Variants in DGKE observed in about 807,000 individuals in gnomAD.
DGKE encodes the protein diacylglycerol kinase epsilon.
Under a neutral mutation model 70.0 loss-of-function variants are expected in DGKE, and 53 were observed. That is an observed-to-expected ratio of 0.76 (90% CI 0.61 to 0.95). The LOEUF (loss-of-function observed/expected upper bound fraction) is 0.95, where lower values mean the gene tolerates loss of function less well. Among genes scored for constraint, DGKE ranks in the 40% least tolerant of loss-of-function variants. DGKE has a pLI of 0.00. For missense variants in DGKE, 655 were observed against 706.9 expected (o/e 0.93, Z 0.83); for synonymous variants, 291 against 257.0 (o/e 1.13, Z -1.27).
chr17:56,845,693 G>T lies in DGKE; in HGVS notation c.628G>T (p.Ala210Ser), dbSNP rs201970745. ...CACTCATGGCAATTTTTTTTAGCTA[G>T]CCTCTAAGCTTGGAAAGCAGTGGAC... ...KDKKTDYEVL[A>S]SKLGKQWTPL... is the part of the protein sequence containing the mutation. The change falls in exon 4 of 12, where the codon GCC (alanine) becomes TCC (serine). Residue 210 changes from alanine to serine, a missense_variant. Transcript: ENST00000284061. 9.4e-6 allele frequency: 15 copies of T among 1,602,054 alleles called. No homozygotes were observed. In the East Asian group the frequency reaches 3.4e-4, roughly 36 times the overall value.
rs1908382441 is a variant in DGKE at position 56,862,945 on chromosome 17, C to G, written c.*154C>G. 2.0e-6 allele frequency: 1 copy of G among 508,314 alleles called. No homozygotes were observed. Among genetic ancestry groups the G allele is most frequent in the Non-Finnish European group, 3.1e-6 (1 of 319,948 alleles). The allele number at this position is 508,314 out of a possible 1,614,324, so 31.5% of individuals were successfully genotyped here. A position where few individuals can be genotyped will look rare whatever the true frequency, so the allele number is the denominator to read the frequency against. ...ATTTTTGTAAATAGCATCCCCAAAC[C>G]AGCCAGCCTTCAGTTATTTACAAAT... On this transcript the variant is annotated 3_prime_UTR_variant, in exon 12 of 12. Coordinates refer to ENST00000284061, the MANE Select transcript of DGKE (RefSeq NM_003647.3).
chr17:56,846,855 T>G (rs1907317648), intron 4 of DGKE, among the ~76,000 whole-genome samples: 1 of 152,304 alleles, frequency 6.6e-6, no homozygotes, highest in Non-Finnish European at 1.5e-5. Context: ...TTACTTTACA[T>G]ATTAACAGTA....
intron 3 of DGKE, 50 bp from the exon 4 acceptor site, chr17:56,845,640 T>C (rs1290678628): frequency 6.4e-7 from 1 of 1,554,784 alleles, no homozygotes; most frequent in Non-Finnish European, 8.7e-7. Context: ...GAAAATGTGC[T>C]TTTCATCTTT....
chr17:56,851,691 A>G, intron 7 of DGKE, among the ~76,000 whole-genome samples: 1 of 152,214 alleles, frequency 6.6e-6, no homozygotes, highest in East Asian at 1.9e-4. Flanking sequence ...GAGAGCCCCA[A>G]AGAAACAACA....
At chr17:56,860,249 T>G (rs1316615788) in intron 9 of DGKE, among the ~76,000 whole-genome samples, 1 of 152,214 alleles carries the variant, frequency 6.6e-6, no homozygotes, top group East Asian at 1.9e-4. Flanking sequence ...GAAAGATATT[T>G]AAGCCAGTCT....
At position 56,862,524 on chromosome 17, in the gene DGKE, T is replaced by G. The variant is rs1283053922; in HGVS notation, c.1525-88T>G. 7.8e-5 allele frequency: 93 copies of G among 1,195,948 alleles called. 1 individual carries two copies. In the South Asian group the frequency reaches 1.5e-3, roughly 19 times the overall value. 74.1% of individuals were successfully genotyped at this position (1,195,948 alleles called of 1,614,324 possible). A position where few individuals can be genotyped will look rare whatever the true frequency, so the allele number is the denominator to read the frequency against. On this transcript the variant is annotated intron_variant, in intron 11 of 11. Coordinates refer to ENST00000284061, the MANE Select transcript of DGKE (RefSeq NM_003647.3). ...TTTCTAAAAATGAAATGCATAAGGG[T>G]TAAGGGATTGTGGATGGTATTATTA...
At chr17:56,839,553 A>G (rs1310905084) in intron 2 of DGKE, among the ~76,000 whole-genome samples, 1 of 152,174 alleles carries the variant, frequency 6.6e-6, no homozygotes, top group African/African-American at 2.4e-5. Context: ...GTCTTACTCT[A>G]TATTGCCTAG....
chr17:56,856,723 AACTT>A (rs1431867270), intron 8 of DGKE, 98 bp downstream of exon 8: 3 of 1,391,132 alleles, frequency 2.2e-6, no homozygotes, highest in African/African-American at 1.5e-5. Context: ...AGATTTAACT[AACTT>A]ACAGAAATAT....
chr17:56,862,409 CAG>C (rs760409861), intron 11 of DGKE, 158 bp downstream of exon 11: 323 of 888,316 alleles, frequency 3.6e-4, no homozygotes, highest in Non-Finnish European at 4.9e-4. Context: ...GAGGAAGAAA[CAG>C]AAACATGGCT....
chr17:56,861,667 G>A, intron 9 of DGKE, 124 bp from the exon 10 acceptor site: 1 of 1,299,970 alleles, frequency 7.7e-7, no homozygotes, highest in Non-Finnish European at 1.1e-6. Context: ...GAGAGGTAGG[G>A]AGCATCTTCT....
At chr17:56,847,873 G>A in intron 4 of DGKE, 49 bp from the exon 5 acceptor site, 1 of 1,381,264 alleles carries the variant, frequency 7.2e-7, no homozygotes, top group Non-Finnish European at 9.7e-7. Flanking sequence ...CATTACAGAT[G>A]AAGGAAAATG....
rs1171912851 is a variant in DGKE, at chr17:56,848,838, G to T, written c.1031G>T (p.Gly344Val). The T allele has an allele frequency of 6.2e-7, 1 of 1,614,152 alleles. No homozygotes were observed. Among genetic ancestry groups the T allele is most frequent in the Non-Finnish European group, 8.5e-7 (1 of 1,180,024 alleles). The change falls in exon 6 of 12, where the codon GGA (glycine) becomes GTA (valine). Residue 344 changes from glycine to valine, a missense_variant. Gly to Val is a moderately radical substitution (Grantham distance 109, BLOSUM62 -3). Transcript: ENST00000284061. ...TTGCGAAATGTAATGGAAGCAGATG[G>T]AATTAAACTAGATCGGTAAGTTACG... Reference protein sequence around the residue: ...QVLRNVMEADGIKLDRWKVQV... With the variant: ...QVLRNVMEADVIKLDRWKVQV...
chr17:56,840,804 CTA>C (rs1906932361), intron 2 of DGKE, among the ~76,000 whole-genome samples: 2 of 152,072 alleles, frequency 1.3e-5, no homozygotes. Context: ...GGGGGAATAA[CTA>C]TAGGTGAATA....
At position 56,869,419 on chromosome 17, in the gene DGKE, G is replaced by A. The variant is rs1201029251; in HGVS notation, c.*6628G>A. The A allele has an allele frequency of 6.6e-6, 1 of 152,106 alleles. No homozygotes were observed. Among genetic ancestry groups the A allele is most frequent in the Non-Finnish European group, 1.5e-5 (1 of 68,016 alleles). The allele number at this position is 152,106 out of a possible 1,614,324, so 9.4% of individuals were successfully genotyped here. On this transcript the variant is annotated 3_prime_UTR_variant, in exon 12 of 12. Transcript: ENST00000284061. ...TAAAGCTTTCTGATTTATCAGTAAC[G>A]ATCTGAAAAATGTACTGTGGCATGT...
Position 56,862,155 on chromosome 17 carries a change from G to C in DGKE, c.1428G>C (p.Leu476=). ...CCAATTTTAGGCATGACGATGGTCT[G>C]CTGGAAGTCGTTGGAGTATATGGGT... ...TYPLARHDDG[L]LEVVGVYGSF... Residue 476 remains leucine (L), a synonymous_variant, in exon 11 of 12, where the codon CTG becomes CTC. Transcript: ENST00000284061. The C allele has an allele frequency of 6.2e-7, 1 of 1,614,122 alleles. No individual in the cohort carries two copies. Among genetic ancestry groups the C allele is most frequent in the East Asian group, 2.2e-5 (1 of 44,882 alleles).
intron 9 of DGKE, among the ~76,000 whole-genome samples, chr17:56,861,210 G>T (rs911689192): frequency 1.4e-4 from 22 of 151,922 alleles, no homozygotes; most frequent in Admixed American, 1.4e-3. Flanking sequence ...CACCTGGGTT[G>T]GGGGTGAGTT....
rs1268928123 is a variant in DGKE, at chr17:56,867,441, A to T, written c.*4650A>T. 1 of 152,182 alleles carries T rather than the reference A, an allele frequency of 6.6e-6. No homozygotes were observed. Among genetic ancestry groups the T allele is most frequent in the Non-Finnish European group, 1.5e-5 (1 of 68,058 alleles). The allele number at this position is 152,182 out of a possible 1,614,324, so 9.4% of individuals were successfully genotyped here. On this transcript the variant is annotated 3_prime_UTR_variant, in exon 12 of 12. Coordinates refer to ENST00000284061, the MANE Select transcript of DGKE (RefSeq NM_003647.3). Reference sequence around the variant, plus strand: ...ATGGTGAAACGCCGTCTCTACTAAAAATACAAAAAAAATTAGCCAGGTACA... The same window carrying T: ...ATGGTGAAACGCCGTCTCTACTAAATATACAAAAAAAATTAGCCAGGTACA...
intron 3 of DGKE, 21 bp downstream of exon 3, chr17:56,844,199 T>A: frequency 7.0e-7 from 1 of 1,426,204 alleles, no homozygotes; most frequent in Non-Finnish European, 9.3e-7. Context: ...TTTATTTCTC[T>A]AATATGATTG....
At chr17:56,859,217 T>G (rs1373048205) in intron 9 of DGKE, among the ~76,000 whole-genome samples, 1 of 150,578 alleles carries the variant, frequency 6.6e-6, no homozygotes, top group Admixed American at 6.6e-5. Flanking sequence ...CCCAGCTACT[T>G]GGAAGGCTGA....
Sources: gnomAD v4.1 joint callset for allele counts (sites outside exome capture counted in the v4.1 genomes callset) on GRCh38, gnomAD v4.1.1 for gene constraint, MANE v1.5 for transcripts, NCBI Gene and HGNC (gene_info 2026-07-23, HGNC 2026-07-21) for gene names.